Variants in RANBP2 observed in about 807,000 individuals in gnomAD.
RANBP2 encodes the protein E3 SUMO-protein ligase RanBP2.
A neutral mutation model predicts 303.6 loss-of-function variants in RANBP2; 57 were observed. The observed-to-expected ratio is 0.19, with a 90% CI of 0.15 to 0.23. The LOEUF (loss-of-function observed/expected upper bound fraction) is 0.23, where lower values mean the gene tolerates loss of function less well. RANBP2 is among the 10% of genes least tolerant of loss of function. The pLI, the probability that RANBP2 is intolerant of heterozygous loss-of-function variation, is 1.00. For missense variants in RANBP2, 3,138 were observed against 3,780.8 expected (o/e 0.83, Z 4.46); for synonymous variants, 1,167 against 1,301.5 (o/e 0.90, Z 2.23).
At chr2:109,317,658 G>A in the RANBP2 span, among the ~76,000 whole-genome samples, 1 of 152,304 alleles carries the variant, frequency 6.6e-6, no homozygotes, top group African/African-American at 2.4e-5. Context: ...GAGTTTAAAT[G>A]ACTTCAGGTA....
chr2:108,929,253 C>T, the RANBP2 span: 55 of 1,614,046 alleles, frequency 3.4e-5, no homozygotes, highest in East Asian at 1.3e-4. Context: ...GGTGTCAGCA[C>T]GGTGGCCCGG....
At chr2:109,001,409 C>T in the RANBP2 span, among the ~76,000 whole-genome samples, 1 of 152,226 alleles carries the variant, frequency 6.6e-6, no homozygotes, top group South Asian at 2.1e-4. Flanking sequence ...CCAGGCCTGG[C>T]TCTCAGATGG....
chr2:108,906,396 C>A, the RANBP2 span: 1 of 1,613,678 alleles, frequency 6.2e-7, no homozygotes, highest in South Asian at 1.1e-5. Context: ...GAATTTTCAT[C>A]TCCAGAAAGG....
At chr2:108,722,824 G>C (rs1049479448) in intron 1 of RANBP2, among the ~76,000 whole-genome samples, 1 of 150,030 alleles carries the variant, frequency 6.7e-6, no homozygotes, top group African/African-American at 2.5e-5. Context: ...CCTGGAGGCA[G>C]AGGTTGTGGT....
At chr2:109,343,188 G>C in the RANBP2 span, among the ~76,000 whole-genome samples, 2 of 152,106 alleles carry the variant, frequency 1.3e-5, no homozygotes, top group Non-Finnish European at 2.9e-5. Context: ...CCCCATAATA[G>C]CATCTGCCTG....
At chr2:108,824,928 G>A in the RANBP2 span, among the ~76,000 whole-genome samples, 1 of 152,192 alleles carries the variant, frequency 6.6e-6, no homozygotes. Flanking sequence ...GTTATGCAGT[G>A]CGTGACTGTG....
At chr2:109,418,179 A>G in the RANBP2 span, among the ~76,000 whole-genome samples, 250 of 151,714 alleles carry the variant, frequency 1.6e-3, no homozygotes, top group Non-Finnish European at 2.5e-3. Context: ...TTCTGCTGGG[A>G]CCCCTATTCT....
the RANBP2 span, among the ~76,000 whole-genome samples, chr2:109,576,870 T>G: frequency 6.6e-6 from 1 of 152,142 alleles, no homozygotes; most frequent in Admixed American, 6.5e-5. Context: ...ATATATTTCA[T>G]CAAAGTTTTC....
chr2:109,614,585 C>T, the RANBP2 span: 1 of 1,410,764 alleles, frequency 7.1e-7, no homozygotes. Flanking sequence ...CCCTGCACGC[C>T]GAGCTGGTGC....
At chr2:109,297,181 G>A in the RANBP2 span, among the ~76,000 whole-genome samples, 1 of 151,904 alleles carries the variant, frequency 6.6e-6, no homozygotes, top group Admixed American at 6.6e-5. Context: ...CAGGGCCTCT[G>A]CAGGGGGGTG....
the RANBP2 span, among the ~76,000 whole-genome samples, chr2:108,912,355 G>A: frequency 3.9e-5 from 6 of 152,054 alleles, no homozygotes; most frequent in South Asian, 2.1e-4. Context: ...GTTAACTCCC[G>A]GCCAAACCAA....
At chr2:108,994,871 C>CCAG in the RANBP2 span, among the ~76,000 whole-genome samples, 1 of 142,910 alleles carries the variant, frequency 7.0e-6, no homozygotes, top group African/African-American at 2.6e-5. Flanking sequence ...GCTCTGTCGC[C>CCAG]CAGGCCGGAG....
chr2:109,399,641 A>C, the RANBP2 span, among the ~76,000 whole-genome samples: 1 of 152,230 alleles, frequency 6.6e-6, no homozygotes, highest in Non-Finnish European at 1.5e-5. Context: ...ATAAAATAAA[A>C]TGATTAAAAA....
intron 22 of RANBP2, 59 bp from the exon 23 acceptor site, chr2:108,772,806 ATTG>A (rs1677602165): frequency 1.3e-6 from 2 of 1,542,510 alleles, no homozygotes; most frequent in South Asian, 1.1e-5. Context: ...GATGACTACC[ATTG>A]TTGTAGAGAA....
the RANBP2 span, among the ~76,000 whole-genome samples, chr2:109,265,653 A>C: frequency 4.6e-5 from 7 of 152,242 alleles, no homozygotes; most frequent in African/African-American, 1.7e-4. Context: ...GCTGAAACAG[A>C]ATGTGTCTTT....
chr2:109,309,849 G>T, the RANBP2 span, among the ~76,000 whole-genome samples: 1 of 112,976 alleles, frequency 8.9e-6, no homozygotes, highest in East Asian at 2.7e-4. Context: ...AGCAAGTCCT[G>T]AGTGACCTAC....
chr2:109,603,946 G>A, the RANBP2 span, among the ~76,000 whole-genome samples: 1 of 151,770 alleles, frequency 6.6e-6, no homozygotes, highest in East Asian at 2.0e-4. Context: ...CGGATCACGA[G>A]GTCAGGAGAT....
chr2:109,112,700 T>G, the RANBP2 span, among the ~76,000 whole-genome samples: 1 of 152,204 alleles, frequency 6.6e-6, no homozygotes, highest in Non-Finnish European at 1.5e-5. Context: ...GGACATGAAG[T>G]CCTTGCCCAT....
At chr2:109,227,751 A>G in the RANBP2 span, among the ~76,000 whole-genome samples, 2 of 152,170 alleles carry the variant, frequency 1.3e-5, no homozygotes, top group South Asian at 2.1e-4. Flanking sequence ...TTCGGGTCCA[A>G]CGCAAGTTCT....
Sources: allele counts gnomAD v4.1 joint callset (sites outside exome capture counted in the v4.1 genomes callset), GRCh38; gene constraint gnomAD v4.1.1; transcripts MANE v1.5; gene names NCBI Gene and HGNC (gene_info 2026-07-23, HGNC 2026-07-21).